DENND1B: variants seen among roughly 807,000 people sequenced by gnomAD.
DENND1B encodes the protein DENN domain containing 1B.
Under a neutral mutation model 90.1 loss-of-function variants are expected in DENND1B, and 59 were observed. The observed-to-expected ratio is 0.65, with a 90% CI of 0.53 to 0.81. The LOEUF is 0.81. Among genes scored for constraint, DENND1B ranks in the 40% least tolerant of loss-of-function variants. The pLI, the probability that DENND1B is intolerant of heterozygous loss-of-function variation, is 0.00. For missense variants in DENND1B, 862 were observed against 912.6 expected (o/e 0.94, Z 0.71); for synonymous variants, 337 against 324.6 (o/e 1.04, Z -0.41).
At chr1:197,745,879 A>T (rs1162569669) in intron 2 of DENND1B, among the ~76,000 whole-genome samples, 1 of 151,642 alleles carries the variant, frequency 6.6e-6, no homozygotes, top group Non-Finnish European at 1.5e-5. Flanking sequence ...CTGAAAGTAC[A>T]AAAAAAATTA....
chr1:197,655,138 C>T (rs1267564171), intron 6 of DENND1B, among the ~76,000 whole-genome samples: 2 of 152,126 alleles, frequency 1.3e-5, no homozygotes, highest in Non-Finnish European at 2.9e-5. Flanking sequence ...TACTATATTC[C>T]TATTTTAAAA....
At chr1:197,566,304 G>A (rs1196025945) in intron 15 of DENND1B, among the ~76,000 whole-genome samples, 1 of 152,052 alleles carries the variant, frequency 6.6e-6, no homozygotes, top group Non-Finnish European at 1.5e-5. Context: ...AGAAGTGTCT[G>A]TTCATGTCCT....
At chr1:197,734,379 T>C (rs1177035896) in intron 2 of DENND1B, 1 of 983,800 alleles carries the variant, frequency 1.0e-6, no homozygotes, top group Non-Finnish European at 1.2e-6. Context: ...TTCATGAATA[T>C]TTACAAGGGG....
At chr1:197,665,537 T>A (rs919242542) in intron 5 of DENND1B, among the ~76,000 whole-genome samples, 4 of 152,156 alleles carry the variant, frequency 2.6e-5, no homozygotes, top group Non-Finnish European at 5.9e-5. Flanking sequence ...CCACATAGTA[T>A]CATTAGTATC....
intron 13 of DENND1B, chr1:197,605,487 T>A (rs372792915): frequency 6.6e-6 from 1 of 151,038 alleles, no homozygotes; most frequent in African/African-American, 2.4e-5. Context: ...TTCTCTTTTT[T>A]TTCTTCTTTC....
intron 12 of DENND1B, among the ~76,000 whole-genome samples, chr1:197,609,002 C>A (rs559989471): frequency 7.3e-4 from 109 of 149,720 alleles, no homozygotes; most frequent in African/African-American, 2.6e-3. Context: ...GGATTAGTAT[C>A]ACTATTTCAT....
At chr1:197,523,449 G>A (rs1039087003) in intron 20 of DENND1B, among the ~76,000 whole-genome samples, 2 of 152,088 alleles carry the variant, frequency 1.3e-5, no homozygotes, top group Non-Finnish European at 2.9e-5. Context: ...GCACGGGGGC[G>A]CATGGCCCAC....
chr1:197,645,187 A>G (rs1680623993), intron 9 of DENND1B, among the ~76,000 whole-genome samples: 1 of 152,108 alleles, frequency 6.6e-6, no homozygotes, highest in African/African-American at 2.4e-5. Flanking sequence ...CTTGCAAGAT[A>G]TGTATTGCTT....
At chr1:197,601,381 G>A (rs1482927358) in intron 13 of DENND1B, among the ~76,000 whole-genome samples, 3 of 151,578 alleles carry the variant, frequency 2.0e-5, no homozygotes, top group Admixed American at 6.6e-5. Flanking sequence ...TTATGATATC[G>A]GCAAGGTTTG....
At chr1:197,674,053 C>A in intron 4 of DENND1B, 67 bp downstream of exon 4, 3 of 1,093,274 alleles carry the variant, frequency 2.7e-6, no homozygotes, top group Non-Finnish European at 4.0e-6. Context: ...TAAAAAAGCA[C>A]ATGTAATCAT....
the DENND1B span, among the ~76,000 whole-genome samples, chr1:197,781,103 T>A: frequency 3.3e-5 from 5 of 152,184 alleles, no homozygotes; most frequent in Non-Finnish European, 7.3e-5. Context: ...GAATGCGAAA[T>A]AATAAACACT....
intron 9 of DENND1B, 38 bp from the exon 10 acceptor site, chr1:197,642,859 A>C: frequency 2.1e-5 from 30 of 1,453,612 alleles, no homozygotes; most frequent in Non-Finnish European, 2.5e-5. Flanking sequence ...GTTACAGCTC[A>C]TAGTGAATGT....
chr1:197,526,871 T>C (rs952736423), intron 20 of DENND1B, among the ~76,000 whole-genome samples: 2 of 152,198 alleles, frequency 1.3e-5, no homozygotes, highest in Non-Finnish European at 2.9e-5. Context: ...GTGTATTCTG[T>C]TGTGTTTCTA....
Position 197,758,817 on chromosome 1 carries a change from T to A in DENND1B, c.82+14051A>T, listed in dbSNP as rs138524420. 5.0e-4 allele frequency among the ~76,000 whole-genome samples: 76 copies of A among 152,234 alleles called. 2 individuals carry two copies. The East Asian group carries it at 0.014, about 28-fold the overall frequency. ...TATTCACAGTCCATTAAAGCATAAG[T>A]ATTAGTTTTATTAAAATGTGTCTGC... On this transcript the variant is annotated intron_variant, in intron 2 of 22. Coordinates refer to ENST00000620048, the MANE Select transcript of DENND1B (RefSeq NM_001195215.2).
At chr1:197,591,278 G>C (rs1024752724) in intron 14 of DENND1B, among the ~76,000 whole-genome samples, 1 of 152,048 alleles carries the variant, frequency 6.6e-6, no homozygotes, top group Non-Finnish European at 1.5e-5. Context: ...ATGGGGGCAG[G>C]GCACATGCTG....
At chr1:197,743,628 C>A (rs946202989) in intron 2 of DENND1B, among the ~76,000 whole-genome samples, 16 of 152,298 alleles carry the variant, frequency 1.1e-4, no homozygotes, top group African/African-American at 3.6e-4. Context: ...CAAAAGATTT[C>A]TTTGTACCAT....
chr1:197,732,933 A>C (rs1366351112), intron 2 of DENND1B, among the ~76,000 whole-genome samples: 1 of 152,224 alleles, frequency 6.6e-6, no homozygotes, highest in Non-Finnish European at 1.5e-5. Context: ...CACCAGACCT[A>C]TGTATCAACA....
chr1:197,621,337 A>G (rs1227705046), intron 10 of DENND1B, among the ~76,000 whole-genome samples: 1 of 151,262 alleles, frequency 6.6e-6, no homozygotes, highest in African/African-American at 2.4e-5. Flanking sequence ...AGGACATGGC[A>G]AAGACTCTAA....
chr1:197,615,250 T>C (rs1047250735), intron 11 of DENND1B, among the ~76,000 whole-genome samples: 5 of 151,144 alleles, frequency 3.3e-5, no homozygotes, highest in South Asian at 2.1e-4. Context: ...CAAATATTAA[T>C]AGATGGTCAC....
Sources: gnomAD v4.1 joint callset for allele counts (sites outside exome capture counted in the v4.1 genomes callset) on GRCh38, gnomAD v4.1.1 for gene constraint, MANE v1.5 for transcripts, NCBI Gene and HGNC (gene_info 2026-07-23, HGNC 2026-07-21) for gene names.